Variants in UST observed in about 807,000 individuals in gnomAD.
UST encodes the protein uronyl 2-sulfotransferase.
A neutral mutation model predicts 45.6 loss-of-function variants in UST; 21 were observed. That is an observed-to-expected ratio of 0.46 (90% CI 0.33 to 0.66). The LOEUF is 0.66. UST is among the 30% of genes least tolerant of loss of function. The probability of loss-of-function intolerance (pLI) is 0.02; values close to 1 mark genes in which losing one functional copy is unlikely to be tolerated. For missense variants in UST, 463 were observed against 512.4 expected (o/e 0.90, Z 0.93); for synonymous variants, 215 against 200.6 (o/e 1.07, Z -0.61).
intron 1 of UST, among the ~76,000 whole-genome samples, chr6:148,868,263 G>A (rs923828060): frequency 7.2e-5 from 11 of 152,194 alleles, no homozygotes; most frequent in Non-Finnish European, 1.5e-5. Context: ...CAACAAGTAA[G>A]TTGATGTTAA....
intron 1 of UST, among the ~76,000 whole-genome samples, chr6:148,752,328 C>A (rs1776006203): frequency 1.3e-5 from 2 of 152,114 alleles, no homozygotes; most frequent in Admixed American, 6.5e-5. Flanking sequence ...ATACTTTAGG[C>A]TCCAAACAGT....
At chr6:149,009,393 T>TAC (rs375601971) in intron 5 of UST, among the ~76,000 whole-genome samples, 40 of 151,772 alleles carry the variant, frequency 2.6e-4, no homozygotes, top group African/African-American at 8.7e-4. Flanking sequence ...TTTAAACACA[T>TAC]ACACACACAC....
chr6:148,807,972 C>A (rs1417055925), intron 1 of UST, among the ~76,000 whole-genome samples: 1 of 152,166 alleles, frequency 6.6e-6, no homozygotes, highest in East Asian at 1.9e-4. Flanking sequence ...GAACTTTGAG[C>A]CCTGGTCAAT....
intron 1 of UST, among the ~76,000 whole-genome samples, chr6:148,839,577 T>A (rs1174733142): frequency 6.6e-6 from 1 of 152,080 alleles, no homozygotes; most frequent in Non-Finnish European, 1.5e-5. Flanking sequence ...TTCTAAGAGG[T>A]GACGTTGATG....
At chr6:148,762,170 T>C (rs1030055675) in intron 1 of UST, among the ~76,000 whole-genome samples, 1 of 152,164 alleles carries the variant, frequency 6.6e-6, no homozygotes, top group Non-Finnish European at 1.5e-5. Flanking sequence ...TCCCAGAAAC[T>C]AAAGGGAGGG....
In UST at chr6:148,798,187, G is replaced by T. The variant is rs149422483; in HGVS notation, c.247+50510G>T. On this transcript the variant is annotated intron_variant, in intron 1 of 7. Transcript: ENST00000367463. The stretch of plus-strand genomic sequence containing the variant: ...GGCAGAACAGGACATTAGAGAATGA[G>T]AATCTCCTGGACTTGGTAGATTGAA... 8.7e-3 allele frequency among the ~76,000 whole-genome samples: 1,329 copies of T among 152,324 alleles called. 58 individuals carry two copies. The highest frequency in any genetic ancestry group is 0.08 in the Admixed American group (1,221 of 15,300).
chr6:148,974,399 G>A (rs1311473898), intron 5 of UST, among the ~76,000 whole-genome samples: 1 of 152,072 alleles, frequency 6.6e-6, no homozygotes, highest in Non-Finnish European at 1.5e-5. Flanking sequence ...TAGTCATTGA[G>A]ATTTGCTAAG....
intron 1 of UST, among the ~76,000 whole-genome samples, chr6:148,852,991 G>A (rs746558440): frequency 2.6e-5 from 4 of 152,168 alleles, no homozygotes; most frequent in Non-Finnish European, 4.4e-5. Flanking sequence ...GGGTACATGT[G>A]CAGGACATAC....
intron 1 of UST, among the ~76,000 whole-genome samples, chr6:148,789,308 A>C (rs1025797227): frequency 2.6e-5 from 4 of 152,120 alleles, no homozygotes; most frequent in African/African-American, 9.7e-5. Context: ...GTGAACTGTT[A>C]GAAATGCAGA....
chr6:148,994,072 C>T (rs1327096089), intron 5 of UST, among the ~76,000 whole-genome samples: 3 of 143,814 alleles, frequency 2.1e-5, no homozygotes, highest in South Asian at 2.2e-4. Flanking sequence ...CAAGTTCAAG[C>T]GATTCTTGTG....
At chr6:149,047,945 T>C (rs1416910135) in intron 7 of UST, among the ~76,000 whole-genome samples, 1 of 152,094 alleles carries the variant, frequency 6.6e-6, no homozygotes, top group East Asian at 1.9e-4. Flanking sequence ...CAAGCTCAGA[T>C]AGACAAGTCA....
intron 2 of UST, among the ~76,000 whole-genome samples, chr6:148,940,149 A>G (rs1328506495): frequency 6.6e-6 from 1 of 152,150 alleles, no homozygotes; most frequent in Non-Finnish European, 1.5e-5. Context: ...TCACAACGAG[A>G]TACCACTTCA....
At chr6:148,846,718 C>T (rs1382240279) in intron 1 of UST, among the ~76,000 whole-genome samples, 4 of 152,256 alleles carry the variant, frequency 2.6e-5, no homozygotes, top group Non-Finnish European at 2.9e-5. Context: ...ATGCTTAGCT[C>T]AGTGTGTGGT....
At chr6:148,763,050 C>T (rs1348910470) in intron 1 of UST, among the ~76,000 whole-genome samples, 3 of 152,092 alleles carry the variant, frequency 2.0e-5, no homozygotes, top group Admixed American at 6.5e-5. Flanking sequence ...AATGGTAGTT[C>T]GATTTTTAGT....
chr6:148,982,176 G>A (rs1326112007), intron 5 of UST, among the ~76,000 whole-genome samples: 1 of 150,706 alleles, frequency 6.6e-6, no homozygotes, highest in Non-Finnish European at 1.5e-5. Flanking sequence ...TTGGCTCACT[G>A]CAACCTCTGC....
At chr6:148,954,859 T>C (rs1019124728) in intron 4 of UST, among the ~76,000 whole-genome samples, 44 of 152,328 alleles carry the variant, frequency 2.9e-4, no homozygotes, top group African/African-American at 1.1e-3. Flanking sequence ...ATTCCCTATT[T>C]GTTAAATTAC....
At chr6:149,061,620 A>G (rs2115041964) in intron 7 of UST, among the ~76,000 whole-genome samples, 2 of 152,354 alleles carry the variant, frequency 1.3e-5, no homozygotes, top group South Asian at 4.1e-4. Context: ...ATCCACTGAC[A>G]TATGCATTTC....
rs141995203 is a variant in UST at position 148,781,532 on chromosome 6, T to C, written c.247+33855T>C. On this transcript the variant is annotated intron_variant, in intron 1 of 7. Transcript: ENST00000367463. ...TAAAAGTGCAAGGTGAAGCAGTGAG[T>C]GCTGATGTAGAAGCTGCAACAGGTC... 1.1e-4 allele frequency among the ~76,000 whole-genome samples: 17 copies of C among 152,286 alleles called. No homozygotes were observed. In the East Asian group the frequency reaches 3.1e-3, roughly 28 times the overall value.
chr6:148,816,836 G>A (rs1375040441), intron 1 of UST, among the ~76,000 whole-genome samples: 2 of 151,992 alleles, frequency 1.3e-5, no homozygotes, highest in African/African-American at 4.8e-5. Flanking sequence ...AGTAACAAAT[G>A]GTCCCTGGAA....
Sources: gnomAD v4.1 joint callset for allele counts (sites outside exome capture counted in the v4.1 genomes callset) on GRCh38, gnomAD v4.1.1 for gene constraint, MANE v1.5 for transcripts, NCBI Gene and HGNC (gene_info 2026-07-23, HGNC 2026-07-21) for gene names.